COA1: variants seen among roughly 807,000 people sequenced by gnomAD.
COA1 encodes cytochrome c oxidase assembly factor 1, also known as cytochrome c oxidase assembly factor 1 homolog.
A neutral mutation model predicts 16.0 loss-of-function variants in COA1; 13 were observed. The observed-to-expected ratio is 0.81, with a 90% CI of 0.53 to 1.29. The LOEUF (loss-of-function observed/expected upper bound fraction) is 1.29. Among genes scored for constraint, COA1 ranks in the 50% most tolerant of loss-of-function variants. The pLI is 0.00. For synonymous variants in COA1, 65 were observed against 65.7 expected (o/e 0.99, Z 0.05); for missense variants, 179 against 177.0 (o/e 1.01, Z -0.06).
intron 1 of COA1, among the ~76,000 whole-genome samples, chr7:43,658,275 C>G (rs572060712): frequency 6.6e-6 from 1 of 151,428 alleles, no homozygotes; most frequent in African/African-American, 2.4e-5. Context: ...AGGAGAATGG[C>G]GTGAACTTGA....
intron 1 of COA1, among the ~76,000 whole-genome samples, chr7:43,654,581 GA>G (rs60418330): frequency 0.15 from 22,306 of 150,044 alleles, 2,185 homozygotes; most frequent in Non-Finnish European, 0.22. Context: ...GGAAGTTATT[GA>G]AAAAAAAATC....
At chr7:43,652,907 T>G (rs564897570) in intron 1 of COA1, among the ~76,000 whole-genome samples, 3 of 151,828 alleles carry the variant, frequency 2.0e-5, no homozygotes, top group African/African-American at 4.8e-5. Flanking sequence ...GGAAAGATAG[T>G]ACAGAGAATT....
At chr7:43,623,741 CAGGAA>C in intron 6 of COA1, 13 of 1,606,144 alleles carry the variant, frequency 8.1e-6, no homozygotes, top group Non-Finnish European at 1.1e-5. Flanking sequence ...GTCATGCTTA[CAGGAA>C]TATCACCTTT....
intron 6 of COA1, among the ~76,000 whole-genome samples, chr7:43,616,694 G>C (rs575608656): frequency 6.6e-6 from 1 of 152,096 alleles, no homozygotes; most frequent in African/African-American, 2.4e-5. Context: ...TCAGGAGATC[G>C]AGACCATCCT....
chr7:43,725,454 G>C (rs1210017208), intron 1 of COA1, among the ~76,000 whole-genome samples: 2 of 152,168 alleles, frequency 1.3e-5, no homozygotes, highest in Non-Finnish European at 2.9e-5. Flanking sequence ...CAAGCCAAGG[G>C]GAAAGAATGA....
chr7:43,636,860 T>G (rs181259875), downstream of COA1, among the ~76,000 whole-genome samples: 49 of 152,340 alleles, frequency 3.2e-4, no homozygotes, highest in African/African-American at 8.9e-4. Flanking sequence ...TCATTAACAG[T>G]AGAATCATGT....
intron 6 of COA1, chr7:43,624,504 A>T: frequency 6.3e-7 from 1 of 1,593,096 alleles, no homozygotes; most frequent in African/African-American, 1.4e-5. Flanking sequence ...ACTGTAAAAC[A>T]TGTATCTTTA....
intron 1 of COA1, chr7:43,650,793 C>A (rs2090590866): frequency 6.6e-6 from 1 of 151,380 alleles, no homozygotes; most frequent in Admixed American, 6.6e-5. Context: ...ACTCTGAAAG[C>A]CACATTCATA....
intron 1 of COA1, among the ~76,000 whole-genome samples, chr7:43,706,459 A>T (rs2094979178): frequency 6.6e-6 from 1 of 151,270 alleles, no homozygotes; most frequent in African/African-American, 2.4e-5. Context: ...GAGGTGGGAG[A>T]ATCACTTGAG....
chr7:43,612,047 C>T (rs2082925542), intron 6 of COA1, among the ~76,000 whole-genome samples: 1 of 152,200 alleles, frequency 6.6e-6, no homozygotes, highest in Non-Finnish European at 1.5e-5. Flanking sequence ...AATTATATCC[C>T]TTTCTCCTCA....
chr7:43,611,875 A>G (rs1261850469), intron 6 of COA1, among the ~76,000 whole-genome samples: 1 of 152,204 alleles, frequency 6.6e-6, no homozygotes, highest in African/African-American at 2.4e-5. Flanking sequence ...ATGAGCTTTC[A>G]GCTTATGACA....
At chr7:43,726,808 A>G (rs2095626047) in intron 1 of COA1, among the ~76,000 whole-genome samples, 1 of 152,240 alleles carries the variant, frequency 6.6e-6, no homozygotes, top group Non-Finnish European at 1.5e-5. Flanking sequence ...ACTTGTATCT[A>G]GAATATATAA....
downstream of COA1, among the ~76,000 whole-genome samples, chr7:43,636,292 T>TG (rs2085858581): frequency 6.6e-6 from 1 of 152,148 alleles, no homozygotes; most frequent in Non-Finnish European, 1.5e-5. Context: ...TTCTAGTGGG[T>TG]GGAGACTGGA....
At chr7:43,709,434 TTGTGTGTGTGTGTGTGTGTG>T (rs59823123) in intron 1 of COA1, among the ~76,000 whole-genome samples, 1 of 144,894 alleles carries the variant, frequency 6.9e-6, no homozygotes, top group Non-Finnish European at 1.5e-5. Flanking sequence ...CTTTGTTTTA[TTGTGTGTGTGTGTGTGTGTG>T]TGTGTGTGTG....
intron 1 of COA1, among the ~76,000 whole-genome samples, chr7:43,724,378 C>T (rs1585578303): frequency 1.3e-5 from 2 of 151,986 alleles, no homozygotes; most frequent in African/African-American, 4.8e-5. Flanking sequence ...CATAGCAAAA[C>T]CCTGTCTCTA....
At chr7:43,700,876 G>A (rs1359474936) in intron 1 of COA1, among the ~76,000 whole-genome samples, 19 of 151,920 alleles carry the variant, frequency 1.3e-4, no homozygotes, top group African/African-American at 2.4e-5. Context: ...GACTTCCCTC[G>A]ACTCACAGCA....
chr7:43,709,684 GTTTTA>G (rs1479760135), intron 1 of COA1, among the ~76,000 whole-genome samples: 1 of 151,856 alleles, frequency 6.6e-6, no homozygotes, highest in African/African-American at 2.4e-5. Context: ...TGTTAATCCA[GTTTTA>G]TTTTTTTTAA....
At chr7:43,632,290 T>A (rs117940618) in intron 6 of COA1, 576 of 153,446 alleles carry the variant, frequency 3.8e-3, no homozygotes, top group Non-Finnish European at 6.0e-3. Flanking sequence ...GTTACAGCAA[T>A]TCGGTCACAT....
At position 43,645,131 on chromosome 7, in the gene COA1, T is replaced by C. The variant is rs937356697; in HGVS notation, c.264+120A>G. 7.6e-6 allele frequency: 6 copies of C among 784,474 alleles called. No homozygotes were observed. The African/African-American group carries it at 1.1e-4, about 14-fold the overall frequency. 48.6% of individuals were successfully genotyped at this position (784,474 alleles called of 1,614,324 possible). A position where few individuals can be genotyped will look rare whatever the true frequency, so the allele number is the denominator to read the frequency against. On this transcript the variant is annotated intron_variant, in intron 4 of 5. Transcript: ENST00000223336. Reference sequence around the variant, plus strand: ...AAACTTTTTTTAAAGGTGCCAAACCTAGCTTTACTTAGTGGATTTTCCCAT... The same window carrying C: ...AAACTTTTTTTAAAGGTGCCAAACCCAGCTTTACTTAGTGGATTTTCCCAT...
Sources: gnomAD v4.1 joint callset for allele counts (sites outside exome capture counted in the v4.1 genomes callset) on GRCh38, gnomAD v4.1.1 for gene constraint, MANE v1.5 for transcripts, NCBI Gene and HGNC (gene_info 2026-07-23, HGNC 2026-07-21) for gene names.